Variants in MFAP2 observed in about 807,000 individuals in gnomAD.
MFAP2 encodes microfibrillar-associated protein 2.
Under a neutral mutation model 30.6 loss-of-function variants are expected in MFAP2, and 23 were observed. The observed-to-expected ratio is 0.75, with a 90% confidence interval of 0.54 to 1.07. The LOEUF (loss-of-function observed/expected upper bound fraction) is 1.07. Among genes scored for constraint, MFAP2 ranks in the 50% least tolerant of loss-of-function variants. MFAP2 has a pLI of 0.00. For missense variants in MFAP2, 198 were observed against 223.8 expected, an observed-to-expected ratio of 0.88 and a Z score of 0.74; for synonymous variants, 73 against 85.7, an observed-to-expected ratio of 0.85 and a Z score of 0.82.
At chr1:16,978,008 CT>C (rs2076607474) in intron 2 of MFAP2, 1 of 501,590 alleles carries the variant, frequency 2.0e-6, no homozygotes, top group African/African-American at 2.0e-5. Context: ...CTCCAGAACC[CT>C]GCCTGCCTGC....
chr1:16,979,698 T>A (rs2076621582), intron 1 of MFAP2, among the ~76,000 whole-genome samples: 1 of 152,186 alleles, frequency 6.6e-6, no homozygotes, highest in Non-Finnish European at 1.5e-5. Context: ...GAGCCCCCGC[T>A]GCTCAGCAGA....
Position 16,976,720 on chromosome 1 carries a change from C to A in MFAP2, c.229G>T (p.Ala77Ser). 1 of 1,613,784 alleles carries A rather than the reference C, an allele frequency of 6.2e-7. No homozygotes were observed. The highest frequency in any genetic ancestry group is 8.5e-7 in the Non-Finnish European group (1 of 1,179,856). Residue 77 changes from alanine to serine, a missense_variant, in exon 5 of 9, where the codon GCC (alanine) becomes TCC (serine). Coordinates refer to ENST00000375535, the MANE Select transcript of MFAP2 (RefSeq NM_002403.4). This position sits in a 1 kb window ranked among gnomAD's most constrained non-coding sequence, Gnocchi z 5.5. ...GTCTGGGGCCTACCTGGGGTTGGGGCTGGGATGACTTCCTGTTGGACTTGC... is the reference window on the plus strand; with the variant it reads ...GTCTGGGGCCTACCTGGGGTTGGGGATGGGATGACTTCCTGTTGGACTTGC... Reference protein sequence around the residue: ...QQQVQQEVIPAPTPEPGNAEL... With the variant: ...QQQVQQEVIPSPTPEPGNAEL...
chr1:16,976,811 A>AT lies in MFAP2; in HGVS notation c.155-18dup, dbSNP rs1459054640. 10 of 1,613,946 alleles carry AT rather than the reference A, an allele frequency of 6.2e-6. No homozygotes were observed. Among genetic ancestry groups the AT allele is most frequent in the Non-Finnish European group, 8.5e-6 (10 of 1,179,948 alleles). On this transcript the variant is annotated splice_polypyrimidine_tract_variant and intron_variant, in intron 4 of 8. Transcript: ENST00000375535. This position sits in a 1 kb window ranked among gnomAD's most constrained non-coding sequence, Gnocchi z 5.5. ...GAGTCACCTCTGCAGCCAGGGGAGG[A>AT]TAAGGGGGTCTGCTCCCTCTACCCC...
At chr1:16,977,227 C>G (rs112564340) in intron 2 of MFAP2, 29 bp from the exon 3 acceptor site, 2 of 1,608,384 alleles carry the variant, frequency 1.2e-6, no homozygotes, top group South Asian at 2.2e-5. Flanking sequence ...TGTAGGGTAC[C>G]CCATCGGGAG....
chr1:16,976,625 G>A lies in MFAP2; in HGVS notation c.242-80C>T, dbSNP rs1484661509. 6 of 1,611,042 alleles carry A rather than the reference G, an allele frequency of 3.7e-6. No individual in the cohort carries two copies. The Admixed American group carries it at 5.0e-5, about 13-fold the overall frequency. On this transcript the variant is annotated intron_variant, in intron 5 of 8. Coordinates refer to ENST00000375535, the MANE Select transcript of MFAP2 (RefSeq NM_002403.4). The surrounding 1 kb of genome is among the most constrained non-coding windows in gnomAD (Gnocchi z 5.5). Reference sequence around the variant, plus strand: ...AGGGGAGTCACCTCTCCCAGCCCTGGCAGACCCCCACTCCCAGGGTTGACA... The same window carrying A: ...AGGGGAGTCACCTCTCCCAGCCCTGACAGACCCCCACTCCCAGGGTTGACA...
Position 16,975,365 on chromosome 1 carries a change from G to T in MFAP2, c.375-23C>A, listed in dbSNP as rs368236954. ...AGGCTGCGGGGACAGGGCACGGGAG[G>T]TCTCAGCCCCACTTCCACCCAATCC... On this transcript the variant is annotated intron_variant, in intron 7 of 8. Coordinates refer to ENST00000375535, the MANE Select transcript of MFAP2 (RefSeq NM_002403.4). The surrounding 1 kb of genome is among the most constrained non-coding windows in gnomAD (Gnocchi z 5.0). The T allele has an allele frequency of 1.9e-6, 3 of 1,610,718 alleles. No homozygotes were observed. The highest frequency in any genetic ancestry group is 8.5e-7 in the Non-Finnish European group (1 of 1,178,230).
At chr1:16,981,427 C>G (rs536118723), upstream of MFAP2, among the ~76,000 whole-genome samples, 1 of 152,238 alleles carries the variant, frequency 6.6e-6, no homozygotes, top group Non-Finnish European at 1.5e-5. Flanking sequence ...TCCCAGTCCC[C>G]CCTTGGCCCC....
In MFAP2 at chr1:16,976,452, C is replaced by T. The variant is rs759965598; in HGVS notation, c.286+49G>A. On this transcript the variant is annotated intron_variant, in intron 6 of 8. Coordinates refer to ENST00000375535, the MANE Select transcript of MFAP2 (RefSeq NM_002403.4). This position sits in a 1 kb window ranked among gnomAD's most constrained non-coding sequence, Gnocchi z 5.5. ...ACCAGCACCACCCCCTACTCCACCCCAACTTCAGGGCGTGCCTCCATTTTT... is the reference window on the plus strand; with the variant it reads ...ACCAGCACCACCCCCTACTCCACCCTAACTTCAGGGCGTGCCTCCATTTTT... 2 of 1,613,126 alleles carry T rather than the reference C, an allele frequency of 1.2e-6. No individual in the cohort carries two copies. The highest frequency in any genetic ancestry group is 1.1e-5 in the South Asian group (1 of 91,066).
rs2076579807 is a variant in MFAP2 at position 16,975,342 on chromosome 1, G to A, written c.375C>T (p.Ser125=). 1 of 1,613,816 alleles carries A rather than the reference G, an allele frequency of 6.2e-7. No individual in the cohort carries two copies. The highest frequency in any genetic ancestry group is 1.1e-5 in the South Asian group (1 of 91,064). ...KQCLNEVCFY[S]LRRVYVINKE... ...TGTTAATGACGTACACACGGCGGAG[G>A]CTGCGGGGACAGGGCACGGGAGGTC... Residue 125 remains serine (S), a splice_region_variant and synonymous_variant, in exon 8 of 9, where the codon AGC becomes AGT. Transcript: ENST00000375535. This position sits in a 1 kb window ranked among gnomAD's most constrained non-coding sequence, Gnocchi z 5.0.
Position 16,978,330 on chromosome 1 carries a change from TG to T in MFAP2, c.-41-17del. 6.5e-6 allele frequency: 10 copies of T among 1,547,618 alleles called. No individual in the cohort carries two copies. Among genetic ancestry groups the T allele is most frequent in the Non-Finnish European group, 8.8e-6 (10 of 1,141,582 alleles). Reference sequence around the variant, plus strand: ...GAGAGGACAGCTGGGGAAAGACCGGTGGGAGAGCTCTACCCAGGGCCACACC... The same window carrying T: ...GAGAGGACAGCTGGGGAAAGACCGGTGGAGAGCTCTACCCAGGGCCACACC... On this transcript the variant is annotated splice_polypyrimidine_tract_variant and intron_variant, in intron 1 of 8. Transcript: ENST00000375535.
rs747431328 is a variant in MFAP2, at chr1:16,976,772, C to T, written c.177G>A (p.Glu59=). The T allele has an allele frequency of 1.2e-6, 2 of 1,613,972 alleles. No homozygotes were observed. The highest frequency in any genetic ancestry group is 1.1e-5 in the South Asian group (1 of 91,072). Residue 59 remains glutamate, a synonymous_variant, in exon 5 of 9, where the codon GAG becomes GAA. Transcript: ENST00000375535. The surrounding 1 kb of genome is among the most constrained non-coding windows in gnomAD (Gnocchi z 5.5). ...GCTGGGACTGGAACTGGAACTGTTC[C>T]TCGGAGGGCCGAGGAGTCACCTCTG... is the stretch of plus-strand genomic sequence containing the variant. ...DYQEVTPRPS[E]EQFQFQSQQQ... is the part of the protein sequence containing the mutation.
rs866322325 is a variant in MFAP2 at position 16,976,597 on chromosome 1, G to A, written c.242-52C>T. 3 of 1,613,218 alleles carry A rather than the reference G, an allele frequency of 1.9e-6. No homozygotes were observed. The South Asian group carries it at 3.3e-5, about 18-fold the overall frequency. ...CATCACTGGGAGGGGTCTCCTCAGG[G>A]CAAGGGGAGTCACCTCTCCCAGCCC... is the stretch of plus-strand genomic sequence containing the variant. On this transcript the variant is annotated intron_variant, in intron 5 of 8. Transcript: ENST00000375535. This position sits in a 1 kb window ranked among gnomAD's most constrained non-coding sequence, Gnocchi z 5.5.
In MFAP2 at chr1:16,977,281, G is replaced by C. The variant is rs1349433632; in HGVS notation, c.38-83C>G. ...GCGCTTCTGGAGAGTGGAGGCGGGG[G>C]TCACAAGGTCAGGCCCATAAGAGCC... On this transcript the variant is annotated intron_variant, in intron 2 of 8. Transcript: ENST00000375535. 5.9e-6 allele frequency: 8 copies of C among 1,358,372 alleles called. No individual in the cohort carries two copies. The East Asian group carries it at 1.7e-4, about 29-fold the overall frequency. The allele number at this position is 1,358,372 out of a possible 1,614,324, so 84.1% of individuals were successfully genotyped here.
rs1021000247 is a variant in MFAP2, at chr1:16,976,019, C to T, written c.287-289G>A. 2.0e-5 allele frequency among the ~76,000 whole-genome samples: 3 copies of T among 152,184 alleles called. No individual in the cohort carries two copies. Among genetic ancestry groups the T allele is most frequent in the African/African-American group, 4.8e-5 (2 of 41,438 alleles). On this transcript the variant is annotated intron_variant, in intron 6 of 8. Transcript: ENST00000375535. The surrounding 1 kb of genome is among the most constrained non-coding windows in gnomAD (Gnocchi z 5.5). Reference sequence around the variant, plus strand: ...AAGCCCATACCAACTCCCGAGCAGACGTGCCCACGCTCACAGAAGCCCACA... The same window carrying T: ...AAGCCCATACCAACTCCCGAGCAGATGTGCCCACGCTCACAGAAGCCCACA...
Position 16,977,070 on chromosome 1 carries a change from C to G in MFAP2, c.127+39G>C, listed in dbSNP as rs1340534958. The G allele has an allele frequency of 3.1e-6, 5 of 1,613,466 alleles. No individual in the cohort carries two copies. In the East Asian group the frequency reaches 8.9e-5, roughly 29 times the overall value. ...CGGTCCCTGGCTGAGCCAGGCACAT[C>G]TGAGCAGCCAGGCCTCGGTGACCCG... On this transcript the variant is annotated intron_variant, in intron 3 of 8. Transcript: ENST00000375535.
upstream of MFAP2, among the ~76,000 whole-genome samples, chr1:16,981,551 A>G (rs1225297741): frequency 1.3e-5 from 2 of 152,010 alleles, no homozygotes; most frequent in East Asian, 3.9e-4. Context: ...CACTGCTCCC[A>G]CCCTGGCCTA....
At chr1:16,979,594 C>T (rs935285081) in intron 1 of MFAP2, among the ~76,000 whole-genome samples, 6 of 152,232 alleles carry the variant, frequency 3.9e-5, no homozygotes, top group African/African-American at 1.2e-4. Flanking sequence ...GCTCCCCACA[C>T]CCCATTCTGA....
At chr1:16,979,791 A>G (rs956738405) in intron 1 of MFAP2, among the ~76,000 whole-genome samples, 1 of 152,176 alleles carries the variant, frequency 6.6e-6, no homozygotes, top group East Asian at 1.9e-4. Context: ...CTCCCCTAGG[A>G]CTGGCCCCCG....
chr1:16,977,863 G>T (rs967672404), intron 2 of MFAP2: 1 of 248,790 alleles, frequency 4.0e-6, no homozygotes, highest in African/African-American at 2.2e-5. Flanking sequence ...GGACTGTATA[G>T]AGCAGAAGGG....
Sources: allele counts gnomAD v4.1 joint callset (sites outside exome capture counted in the v4.1 genomes callset), GRCh38; gene constraint gnomAD v4.1.1; non-coding constraint Gnocchi (gnomAD v3.1); transcripts MANE v1.5; gene names NCBI Gene and HGNC (gene_info 2026-07-23, HGNC 2026-07-21).